The following JAKMIP2 variants were observed in gnomAD, a reference collection of about 807,000 sequenced individuals.
JAKMIP2 encodes janus kinase and microtubule interacting protein 2.
Under a neutral mutation model 115.0 loss-of-function variants are expected in JAKMIP2, and 25 were observed. The observed-to-expected ratio is 0.22, with a 90% CI of 0.16 to 0.30. JAKMIP2 has a LOEUF of 0.30. JAKMIP2 is among the 10% of genes least tolerant of loss of function. The probability of loss-of-function intolerance (pLI) is 1.00; values close to 1 mark genes in which losing one functional copy is unlikely to be tolerated. For synonymous variants in JAKMIP2, 334 were observed against 343.6 expected, an observed-to-expected ratio of 0.97 and a Z score of 0.31; for missense variants, 642 against 957.6, an observed-to-expected ratio of 0.67 and a Z score of 4.35.
chr5:147,639,407 A>G (rs975311664), intron 10 of JAKMIP2, among the ~76,000 whole-genome samples: 1 of 152,222 alleles, frequency 6.6e-6, no homozygotes, highest in Non-Finnish European at 1.5e-5. Flanking sequence ...CAAGAACAAG[A>G]ACTATGTACT....
intron 1 of JAKMIP2, among the ~76,000 whole-genome samples, chr5:147,675,018 C>A (rs910321930): frequency 6.6e-6 from 1 of 152,182 alleles, no homozygotes; most frequent in Non-Finnish European, 1.5e-5. Flanking sequence ...AATTTTTAAA[C>A]GTTACTATTG....
chr5:147,649,188 C>T (rs1389560453), intron 4 of JAKMIP2, among the ~76,000 whole-genome samples: 1 of 152,126 alleles, frequency 6.6e-6, no homozygotes, highest in African/African-American at 2.4e-5. Context: ...TTTGATAATG[C>T]TGTACTGTTG....
chr5:147,772,537 G>A (rs1446011269), intron 1 of JAKMIP2, among the ~76,000 whole-genome samples: 1 of 151,120 alleles, frequency 6.6e-6, no homozygotes, highest in Non-Finnish European at 1.5e-5. Flanking sequence ...GGTGTTGCCA[G>A]ATTTTCTTTT....
chr5:147,640,438 A>G (rs571514867), intron 9 of JAKMIP2, among the ~76,000 whole-genome samples: 2 of 152,298 alleles, frequency 1.3e-5, no homozygotes, highest in Non-Finnish European at 2.9e-5. Context: ...TCCCTAGATA[A>G]AGAATATTGG....
chr5:147,731,302 G>A (rs1753724469), intron 1 of JAKMIP2, among the ~76,000 whole-genome samples: 1 of 152,160 alleles, frequency 6.6e-6, no homozygotes, highest in Admixed American at 6.5e-5. Flanking sequence ...TTACACTTCT[G>A]GGTAAAGCAA....
chr5:147,771,902 A>G (rs1036763133), intron 1 of JAKMIP2, among the ~76,000 whole-genome samples: 2 of 152,198 alleles, frequency 1.3e-5, no homozygotes, highest in East Asian at 3.9e-4. Context: ...ATAATAATAT[A>G]CTTGCAGGAA....
At chr5:147,685,958 A>G (rs1339489422) in intron 1 of JAKMIP2, among the ~76,000 whole-genome samples, 1 of 152,194 alleles carries the variant, frequency 6.6e-6, no homozygotes, top group Admixed American at 6.5e-5. Context: ...AGCAAAACAC[A>G]GAATTCAGTG....
chr5:147,696,170 A>T (rs1323070008), intron 1 of JAKMIP2, among the ~76,000 whole-genome samples: 1 of 152,194 alleles, frequency 6.6e-6, no homozygotes, highest in East Asian at 1.9e-4. Context: ...TGAGACCGAC[A>T]TGTTGCAAAA....
At chr5:147,708,169 G>T (rs1752651113) in intron 1 of JAKMIP2, among the ~76,000 whole-genome samples, 1 of 152,178 alleles carries the variant, frequency 6.6e-6, no homozygotes, top group African/African-American at 2.4e-5. Flanking sequence ...TGGAAAAATA[G>T]TGTTGACTTC....
intron 16 of JAKMIP2, among the ~76,000 whole-genome samples, chr5:147,626,805 T>C (rs778066727): frequency 6.6e-6 from 1 of 152,178 alleles, no homozygotes; most frequent in Non-Finnish European, 1.5e-5. Context: ...TCATCTTCCA[T>C]AGAATCAGCC....
intron 20 of JAKMIP2, among the ~76,000 whole-genome samples, chr5:147,603,888 G>T (rs116554391): frequency 0.013 from 1,941 of 152,210 alleles, 18 homozygotes; most frequent in South Asian, 0.061. Context: ...AATGGCTAGG[G>T]TGATGACGTT....
At position 147,725,078 on chromosome 5, in the gene JAKMIP2, CCT is replaced by C. The variant is rs1432929912; in HGVS notation, c.-148-53126_-148-53125del. ...AAAACCAAGATGGTGATGAAAGTGA[CCT>C]CTGGTTGTCCTCATTGCTCATTATA... On this transcript the variant is annotated intron_variant, in intron 1 of 21. Transcript: ENST00000616793. 3.3e-5 allele frequency among the ~76,000 whole-genome samples: 5 copies of C among 152,166 alleles called. No homozygotes were observed. In the East Asian group the frequency reaches 9.7e-4, roughly 30 times the overall value.
In JAKMIP2 at chr5:147,677,892, C is replaced by T. The variant is rs115984323; in HGVS notation, c.-148-5938G>A. On this transcript the variant is annotated intron_variant, in intron 1 of 21. Coordinates refer to ENST00000616793, the MANE Select transcript of JAKMIP2 (RefSeq NM_001270941.2). ...ACAACACATTTCTATTAACTATACT[C>T]ACCATGTTATACAACAGATCTCCAT... Among the ~76,000 whole-genome samples, 553 of 152,290 alleles carry T rather than the reference C, an allele frequency of 3.6e-3. 3 individuals carry two copies. The highest frequency in any genetic ancestry group is 0.012 in the African/African-American group (512 of 41,558).
chr5:147,702,640 GA>G (rs1453981420), intron 1 of JAKMIP2, among the ~76,000 whole-genome samples: 48 of 123,176 alleles, frequency 3.9e-4, no homozygotes, highest in Non-Finnish European at 5.9e-4. Context: ...AAGAAAGAAA[GA>G]AAGAAAGAAA....
At chr5:147,647,046 C>T (rs1013248085) in intron 5 of JAKMIP2, among the ~76,000 whole-genome samples, 4 of 151,884 alleles carry the variant, frequency 2.6e-5, no homozygotes, top group Non-Finnish European at 5.9e-5. Flanking sequence ...ACAGAGTATG[C>T]CTCCTTTTCA....
chr5:147,700,170 T>C (rs1362888577), intron 1 of JAKMIP2, among the ~76,000 whole-genome samples: 2 of 151,756 alleles, frequency 1.3e-5, no homozygotes, highest in Non-Finnish European at 2.9e-5. Context: ...CCATTAGAGA[T>C]TCAAATATTG....
rs761625495 is a variant in JAKMIP2, at chr5:147,639,613, C to G, written c.1530+19G>C. 1.2e-6 allele frequency: 2 copies of G among 1,602,600 alleles called. No individual in the cohort carries two copies. Among genetic ancestry groups the G allele is most frequent in the Non-Finnish European group, 8.5e-7 (1 of 1,175,718 alleles). On this transcript the variant is annotated intron_variant, in intron 10 of 21. Transcript: ENST00000616793. ...CTGCTGCACGCTAATTCAGAGCACT[C>G]TCACAGATACACACTAACCTTGGCT...
intron 3 of JAKMIP2, among the ~76,000 whole-genome samples, chr5:147,651,679 A>AT (rs1758400707): frequency 6.6e-6 from 1 of 152,166 alleles, no homozygotes; most frequent in Non-Finnish European, 1.5e-5. Flanking sequence ...TTTTCCACAT[A>AT]TAAATATCTG....
At chr5:147,704,779 T>C (rs746526599) in intron 1 of JAKMIP2, among the ~76,000 whole-genome samples, 3 of 152,168 alleles carry the variant, frequency 2.0e-5, no homozygotes, top group Middle Eastern at 3.2e-3. Flanking sequence ...CTTGATACTG[T>C]GGTTATTCTG....
Sources: allele counts gnomAD v4.1 joint callset (sites outside exome capture counted in the v4.1 genomes callset), GRCh38; gene constraint gnomAD v4.1.1; transcripts MANE v1.5; gene names NCBI Gene and HGNC (gene_info 2026-07-23, HGNC 2026-07-21).